CELF2: variants seen among roughly 807,000 people sequenced by gnomAD.
The protein encoded by CELF2 is CUG triplet repeat RNA-binding protein 2.
In CELF2, 8 loss-of-function variants were observed where a neutral mutation model predicts 62.6. The ratio of observed to expected loss-of-function variants is 0.13; its 90% CI spans 0.07 to 0.23. The LOEUF is 0.23. Among genes scored for constraint, CELF2 ranks in the 10% least tolerant of loss-of-function variants. CELF2 has a pLI of 1.00. For synonymous variants in CELF2, 258 were observed against 250.0 expected, an observed-to-expected ratio of 1.03 and a Z score of -0.30; for missense variants, 333 against 671.0, an observed-to-expected ratio of 0.50 and a Z score of 5.56.
upstream of CELF2, among the ~76,000 whole-genome samples, chr10:11,004,528 G>A (rs964998106): frequency 6.6e-6 from 1 of 152,004 alleles, no homozygotes; most frequent in African/African-American, 2.4e-5. This position sits in a 1 kb window ranked among gnomAD's most constrained non-coding sequence, Gnocchi z 5.0. Flanking sequence ...CTGGTTAACT[G>A]TACATGCGAA....
intron 1 of CELF2, among the ~76,000 whole-genome samples, chr10:11,143,573 T>G (rs1312698724): frequency 6.6e-6 from 1 of 152,254 alleles, no homozygotes; most frequent in African/African-American, 2.4e-5. Flanking sequence ...TGTTTTCTAC[T>G]ATGCATACCA....
intron 2 of CELF2, among the ~76,000 whole-genome samples, chr10:10,943,352 G>C (rs1356271189): frequency 6.6e-6 from 1 of 152,188 alleles, no homozygotes; most frequent in Non-Finnish European, 1.5e-5. Flanking sequence ...GCCAAAGGAA[G>C]AGTATTAGTT....
chr10:11,304,677 C>T (rs556301075), intron 9 of CELF2, among the ~76,000 whole-genome samples: 11 of 152,318 alleles, frequency 7.2e-5, no homozygotes, highest in South Asian at 2.1e-4. Context: ...AATTCATGAA[C>T]GGATTAATCC....
the CELF2 span, among the ~76,000 whole-genome samples, chr10:10,683,978 T>C: frequency 6.6e-6 from 1 of 152,146 alleles, no homozygotes; most frequent in East Asian, 1.9e-4. Flanking sequence ...TTTCAGAATT[T>C]CTACCTTTAG....
intron 1 of CELF2, among the ~76,000 whole-genome samples, chr10:11,028,025 C>G (rs2059506938): frequency 6.6e-6 from 1 of 152,192 alleles, no homozygotes; most frequent in African/African-American, 2.4e-5. Context: ...TTTTCTTCTT[C>G]GGAACTTTCA....
At chr10:10,963,034 GTTTTGTTTTGTTTTGTTT>G (rs1160220960) in intron 2 of CELF2, among the ~76,000 whole-genome samples, 7 of 151,478 alleles carry the variant, frequency 4.6e-5, no homozygotes, top group African/African-American at 1.7e-4. Context: ...GTTTTGTTTT[GTTTTGTTTTGTTTTGTTT>G]TGTTTTGTGA....
chr10:10,830,279 TAAA>T (rs57725749), intron 1 of CELF2, among the ~76,000 whole-genome samples: 1 of 122,540 alleles, frequency 8.2e-6, no homozygotes, highest in Non-Finnish European at 1.7e-5. Context: ...GGAGTTCCTT[TAAA>T]AAAAAAAAAA....
chr10:11,045,230 C>T (rs182512803), intron 1 of CELF2, among the ~76,000 whole-genome samples: 106 of 152,188 alleles, frequency 7.0e-4, no homozygotes, highest in Non-Finnish European at 9.6e-4. Flanking sequence ...CTCACTGCAG[C>T]CTCAAGCTCC....
chr10:10,569,011 G>A, the CELF2 span, among the ~76,000 whole-genome samples: 2 of 152,048 alleles, frequency 1.3e-5, no homozygotes, highest in African/African-American at 4.8e-5. Context: ...ATAGAAAAAA[G>A]GCTAGATTGA....
At chr10:11,241,692 C>T (rs1232778207) in intron 3 of CELF2, among the ~76,000 whole-genome samples, 2 of 151,670 alleles carry the variant, frequency 1.3e-5, no homozygotes, top group African/African-American at 2.4e-5. Context: ...TTGATTATTC[C>T]CCATCTCTGC....
Position 11,267,062 on chromosome 10 carries a change from A to G in CELF2, c.618+385A>G, listed in dbSNP as rs1445234071. On this transcript the variant is annotated intron_variant, in intron 6 of 12. Coordinates refer to ENST00000633077, the MANE Select transcript of CELF2 (RefSeq NM_001326342.2). This position sits in a 1 kb window ranked among gnomAD's most constrained non-coding sequence, Gnocchi z 4.4. ...TGAAACAGTAACAGCCTCCCACCCC[A>G]AATTACTGCTTGCCCTGTGCTAAGT... Among the ~76,000 whole-genome samples the G allele has an allele frequency of 6.6e-6, 1 of 152,196 alleles. No individual in the cohort carries two copies. Among genetic ancestry groups the G allele is most frequent in the East Asian group, 1.9e-4 (1 of 5,206 alleles).
At chr10:10,838,188 T>C (rs1268627238) in intron 1 of CELF2, among the ~76,000 whole-genome samples, 3 of 152,170 alleles carry the variant, frequency 2.0e-5, no homozygotes, top group Admixed American at 2.0e-4. Flanking sequence ...TGCTCCTCAA[T>C]TGGGATTTGG....
At chr10:10,714,645 G>A in the CELF2 span, among the ~76,000 whole-genome samples, 3 of 152,114 alleles carry the variant, frequency 2.0e-5, no homozygotes, top group Admixed American at 6.6e-5. Flanking sequence ...AATCATCTCA[G>A]GGCTAAGAGG....
chr10:10,818,730 T>C, intron 1 of CELF2, among the ~76,000 whole-genome samples: 1 of 151,990 alleles, frequency 6.6e-6, no homozygotes, highest in Admixed American at 6.6e-5. Flanking sequence ...ATAGCTGCCA[T>C]CATGCCTGGC....
chr10:11,029,182 G>A (rs1193390078), intron 1 of CELF2, among the ~76,000 whole-genome samples: 1 of 152,234 alleles, frequency 6.6e-6, no homozygotes, highest in Admixed American at 6.5e-5. Flanking sequence ...GCCTTATGTG[G>A]TGGTGTAGGG....
the CELF2 span, among the ~76,000 whole-genome samples, chr10:10,735,723 T>C: frequency 6.6e-6 from 1 of 152,240 alleles, no homozygotes; most frequent in South Asian, 2.1e-4. Context: ...CATTTGTCCT[T>C]GTTTGCATGG....
chr10:10,803,817 C>A (rs1590548417), intron 1 of CELF2, among the ~76,000 whole-genome samples: 1 of 152,210 alleles, frequency 6.6e-6, no homozygotes, highest in East Asian at 1.9e-4. Context: ...TAGCACACGA[C>A]AATGAATGAA....
chr10:11,001,036 G>A (rs72772081), upstream of CELF2, among the ~76,000 whole-genome samples: 333 of 152,198 alleles, frequency 2.2e-3, 2 homozygotes, highest in Non-Finnish European at 3.5e-3. Flanking sequence ...ATAGAAGAAC[G>A]TTCATCCATT....
chr10:10,637,766 T>C, the CELF2 span, among the ~76,000 whole-genome samples: 1 of 152,102 alleles, frequency 6.6e-6, no homozygotes, highest in African/African-American at 2.4e-5. Context: ...TCTGCTCAAG[T>C]TAACATGAAT....
Sources: gnomAD v4.1 joint callset for allele counts (sites outside exome capture counted in the v4.1 genomes callset) on GRCh38, gnomAD v4.1.1 for gene constraint, Gnocchi (gnomAD v3.1) non-coding constraint, MANE v1.5 for transcripts, NCBI Gene and HGNC (gene_info 2026-07-23, HGNC 2026-07-21) for gene names.